CES5A: variants seen among roughly 807,000 people sequenced by gnomAD.
CES5A encodes carboxylesterase 5.
In CES5A, 67 loss-of-function variants were observed where a neutral mutation model predicts 62.9. That is an observed-to-expected ratio of 1.07 (90% CI 0.88 to 1.31). CES5A has a LOEUF of 1.31. CES5A is among the 50% of genes most tolerant of loss of function. The pLI is 0.00. For missense variants in CES5A, 748 were observed against 708.5 expected, an observed-to-expected ratio of 1.06 and a Z score of -0.63; for synonymous variants, 296 against 280.8, an observed-to-expected ratio of 1.05 and a Z score of -0.54.
At chr16:55,936,483 A>T (rs1379059269) in intron 2 of CES5A, among the ~76,000 whole-genome samples, 4 of 152,164 alleles carry the variant, frequency 2.6e-5, no homozygotes, top group African/African-American at 9.7e-5. Flanking sequence ...AAGTGGGATC[A>T]TCCTATGGTG....
intron 2 of CES5A, among the ~76,000 whole-genome samples, chr16:55,941,387 A>G (rs2034444330): frequency 6.6e-6 from 1 of 152,042 alleles, no homozygotes; most frequent in African/African-American, 2.4e-5. Flanking sequence ...CATTCACAAT[A>G]CCCCTCCAAA....
At chr16:55,860,106 A>G (rs556904836) in intron 7 of CES5A, among the ~76,000 whole-genome samples, 1 of 152,152 alleles carries the variant, frequency 6.6e-6, no homozygotes, top group South Asian at 2.1e-4. Context: ...TAGTGAATAA[A>G]TCTCATGAGA....
At chr16:55,897,036 T>C (rs1019656153) in intron 1 of CES5A, among the ~76,000 whole-genome samples, 96 of 152,080 alleles carry the variant, frequency 6.3e-4, no homozygotes, top group African/African-American at 2.2e-3. Flanking sequence ...ACCCCTAAAC[T>C]AACCCTCATT....
At chr16:55,875,384 G>T (rs1211712495), upstream of CES5A, 4 of 1,415,442 alleles carry the variant, frequency 2.8e-6, no homozygotes, top group African/African-American at 5.8e-5. Context: ...ATTCTCAAAG[G>T]AATTGACTAA....
chr16:55,846,864 C>G (rs375840439), intron 11 of CES5A, 24 bp from the exon 12 acceptor site: 1 of 1,608,190 alleles, frequency 6.2e-7, no homozygotes, highest in Non-Finnish European at 8.5e-7. Context: ...TCACAAAATG[C>G]TGCTGCTCTG....
At chr16:55,884,929 C>T (rs1056429069) in intron 1 of CES5A, among the ~76,000 whole-genome samples, 3 of 152,154 alleles carry the variant, frequency 2.0e-5, no homozygotes, top group Admixed American at 6.5e-5. Flanking sequence ...GTGCTCCTTT[C>T]GCCAGCACAT....
At chr16:55,848,834 T>C (rs2033070526) in intron 11 of CES5A, among the ~76,000 whole-genome samples, 1 of 152,234 alleles carries the variant, frequency 6.6e-6, no homozygotes, top group Non-Finnish European at 1.5e-5. Context: ...TTATTAGGTA[T>C]TCACTCTTAC....
At chr16:55,941,781 A>G (rs938139309) in intron 2 of CES5A, among the ~76,000 whole-genome samples, 1 of 152,160 alleles carries the variant, frequency 6.6e-6, no homozygotes, top group Non-Finnish European at 1.5e-5. Context: ...CATAGATAGC[A>G]TAAGGGAGTT....
chr16:55,944,885 ACCAGGGCC>A (rs1474191305), intron 2 of CES5A, among the ~76,000 whole-genome samples: 1 of 152,196 alleles, frequency 6.6e-6, no homozygotes, highest in Non-Finnish European at 1.5e-5. Flanking sequence ...AAAGGCCTAC[ACCAGGGCC>A]CATGCTGGAG....
intron 1 of CES5A, among the ~76,000 whole-genome samples, chr16:55,917,211 TG>T (rs2034155767): frequency 1.3e-5 from 2 of 152,238 alleles, no homozygotes; most frequent in Non-Finnish European, 2.9e-5. Context: ...ACTCCACCTT[TG>T]ACCTCTCCCT....
chr16:55,859,347 A>C (rs1484575022), intron 8 of CES5A, among the ~76,000 whole-genome samples, 200 bp downstream of exon 8: 1 of 152,228 alleles, frequency 6.6e-6, no homozygotes, highest in African/African-American at 2.4e-5. Flanking sequence ...ATTACATGAG[A>C]AGCAAGGCAG....
chr16:55,895,900 G>T (rs2033927203), intron 1 of CES5A, among the ~76,000 whole-genome samples: 1 of 152,226 alleles, frequency 6.6e-6, no homozygotes, highest in East Asian at 1.9e-4. Context: ...ACAAATTAAT[G>T]CCCTCCTGAG....
chr16:55,946,060 C>G (rs1040823723), intron 2 of CES5A, among the ~76,000 whole-genome samples: 1 of 152,176 alleles, frequency 6.6e-6, no homozygotes, highest in Non-Finnish European at 1.5e-5. Context: ...CAGTAGCATT[C>G]GGAATTCACT....
chr16:55,927,097 T>C (rs1412855524), upstream of CES5A, among the ~76,000 whole-genome samples: 2 of 152,144 alleles, frequency 1.3e-5, no homozygotes, highest in East Asian at 3.8e-4. Flanking sequence ...TAACTCAAGA[T>C]GAATTAAATA....
intron 4 of CES5A, among the ~76,000 whole-genome samples, chr16:55,866,812 T>A (rs1290752432): frequency 2.0e-5 from 3 of 151,882 alleles, no homozygotes; most frequent in Non-Finnish European, 4.4e-5. Context: ...CACTCCAGCC[T>A]GGGCAATAGA....
intron 1 of CES5A, among the ~76,000 whole-genome samples, chr16:55,908,929 T>C (rs2034065851): frequency 6.6e-6 from 1 of 152,178 alleles, no homozygotes; most frequent in South Asian, 2.1e-4. Context: ...CCCTTCTTCC[T>C]CCTTTCTCTC....
intron 1 of CES5A, among the ~76,000 whole-genome samples, chr16:55,951,596 A>C (rs1384652281): frequency 1.3e-5 from 2 of 152,222 alleles, no homozygotes; most frequent in Non-Finnish European, 2.9e-5. Context: ...AAAATAGAAT[A>C]CTGGAAATAG....
intron 2 of CES5A, among the ~76,000 whole-genome samples, chr16:55,933,890 C>A (rs2142471617): frequency 6.6e-6 from 1 of 152,256 alleles, no homozygotes; most frequent in South Asian, 2.1e-4. Flanking sequence ...CATACTATGA[C>A]CTCTCTTTCG....
upstream of CES5A, chr16:55,925,610 C>A (rs762665603): frequency 1.1e-4 from 16 of 152,102 alleles, no homozygotes; most frequent in African/African-American, 3.6e-4. Flanking sequence ...ATGGAATCAA[C>A]CTAACTGCTC....
Sources: allele counts gnomAD v4.1 joint callset (sites outside exome capture counted in the v4.1 genomes callset), GRCh38; gene constraint gnomAD v4.1.1; transcripts MANE v1.5; gene names NCBI Gene and HGNC (gene_info 2026-07-23, HGNC 2026-07-21).